Variants in FARP1 observed in about 807,000 individuals in gnomAD.
FARP1 encodes the protein FERM, ARH/RhoGEF and pleckstrin domain protein 1.
Under a neutral mutation model 128.8 loss-of-function variants are expected in FARP1, and 52 were observed. The observed-to-expected ratio is 0.40, with a 90% CI of 0.32 to 0.51. The LOEUF (loss-of-function observed/expected upper bound fraction) is 0.51, where lower values mean the gene tolerates loss of function less well. FARP1 is among the 20% of genes least tolerant of loss of function. The pLI is 0.45. For missense variants in FARP1, 1,333 were observed against 1,367.9 expected (o/e 0.97, Z 0.40); for synonymous variants, 580 against 551.8 (o/e 1.05, Z -0.72).
intron 16 of FARP1, among the ~76,000 whole-genome samples, chr13:98,423,871 G>T (rs566649629): frequency 1.3e-5 from 2 of 152,168 alleles, no homozygotes; most frequent in Non-Finnish European, 2.9e-5. Flanking sequence ...CCGTTGAAAG[G>T]TGTACGTGTA....
At chr13:98,368,968 C>T (rs1474737105) in intron 5 of FARP1, among the ~76,000 whole-genome samples, 1 of 151,540 alleles carries the variant, frequency 6.6e-6, no homozygotes, top group East Asian at 1.9e-4. Flanking sequence ...CTCTGTCGCC[C>T]AGGTTGGAGT....
At chr13:98,146,101 C>T (rs932476647) in intron 1 of FARP1, among the ~76,000 whole-genome samples, 6 of 151,980 alleles carry the variant, frequency 3.9e-5, no homozygotes, top group African/African-American at 7.3e-5. Flanking sequence ...TCATCCTGGA[C>T]GGGATTAGAG....
Position 98,390,069 on chromosome 13 carries a change from A to G in FARP1, c.968A>G (p.Lys323Arg). The G allele has an allele frequency of 6.2e-7, 1 of 1,614,158 alleles. No individual in the cohort carries two copies. Among genetic ancestry groups the G allele is most frequent in the Non-Finnish European group, 8.5e-7 (1 of 1,180,024 alleles). The change falls in exon 10 of 27, where the codon AAA becomes AGA. Residue 323 changes from lysine (K) to arginine (R), a missense_variant. Physicochemically the swap from Lys to Arg is conservative, Grantham distance 26. Transcript: ENST00000319562. ...HAFFRLFEEP[K>R]PKPKPVLFSR... Reference sequence around the variant, plus strand: ...TTCTTTAGACTTTTTGAAGAGCCCAAACCAAAGCCCAAGCCCGTCCTCTTT... The same window carrying G: ...TTCTTTAGACTTTTTGAAGAGCCCAGACCAAAGCCCAAGCCCGTCCTCTTT...
intron 2 of FARP1, among the ~76,000 whole-genome samples, chr13:98,236,071 G>T (rs9513377): frequency 0.027 from 4,075 of 152,152 alleles, 75 homozygotes; most frequent in Middle Eastern, 0.051. Flanking sequence ...TGATCTGCCC[G>T]CCTCGGCCTT....
At chr13:98,204,635 T>TAACA (rs1316219068) in intron 1 of FARP1, among the ~76,000 whole-genome samples, 1 of 152,214 alleles carries the variant, frequency 6.6e-6, no homozygotes, top group Non-Finnish European at 1.5e-5. Flanking sequence ...AGGGATTGGC[T>TAACA]AACATTCTTC....
At chr13:98,412,131 T>C (rs1891216407) in intron 16 of FARP1, 97 bp downstream of exon 16, 3 of 1,218,406 alleles carry the variant, frequency 2.5e-6, no homozygotes, top group Non-Finnish European at 2.3e-6. Context: ...GGAACAAAGA[T>C]GAAAGGCAGG....
rs564250815 is a variant in FARP1, at chr13:98,261,085, A to C, written c.171+47672A>C. 3.9e-5 allele frequency among the ~76,000 whole-genome samples: 6 copies of C among 152,348 alleles called. 1 individual carries two copies. Among genetic ancestry groups the C allele is most frequent in the East Asian group, 1.9e-4 (1 of 5,184 alleles). The stretch of plus-strand genomic sequence containing the variant: ...AGGAAGGGGAAACTCTGGTGTCCGC[A>C]TCCTATGGGAATGCACAGTGCATTG... On this transcript the variant is annotated intron_variant, in intron 2 of 26. Coordinates refer to ENST00000319562, the MANE Select transcript of FARP1 (RefSeq NM_005766.4).
intron 2 of FARP1, among the ~76,000 whole-genome samples, chr13:98,265,432 G>T (rs1044983152): frequency 2.8e-5 from 4 of 143,256 alleles, no homozygotes; most frequent in African/African-American, 1.0e-4. Context: ...CCATTCTCCT[G>T]CCTCAGCCTC....
Position 98,453,741 on chromosome 13 carries a change from C to A in FARP1, c.*5424C>A. 1 of 152,850 alleles carries A rather than the reference C, an allele frequency of 6.5e-6. No homozygotes were observed. Among genetic ancestry groups the A allele is most frequent in the Non-Finnish European group, 1.5e-5 (1 of 68,628 alleles). The allele number at this position is 152,850 out of a possible 1,614,324, so 9.5% of individuals were successfully genotyped here. Reference sequence around the variant, plus strand: ...CTAATTTGGAAACAACTCTGATGCCCAACAGTACAGAATCAGTTAAGTAAA... The same window carrying A: ...CTAATTTGGAAACAACTCTGATGCCAAACAGTACAGAATCAGTTAAGTAAA... On this transcript the variant is annotated 3_prime_UTR_variant, in exon 27 of 27. Coordinates refer to ENST00000319562, the MANE Select transcript of FARP1 (RefSeq NM_005766.4).
intron 2 of FARP1, among the ~76,000 whole-genome samples, chr13:98,238,360 A>G (rs1322140651): frequency 6.6e-6 from 1 of 152,230 alleles, no homozygotes; most frequent in Non-Finnish European, 1.5e-5. Context: ...GATTTTCTTA[A>G]TAACATTTTC....
intron 5 of FARP1, among the ~76,000 whole-genome samples, chr13:98,376,145 A>G (rs1369194532): frequency 1.3e-5 from 2 of 152,166 alleles, no homozygotes; most frequent in Admixed American, 6.5e-5. Context: ...AAACAATCCA[A>G]TTATACTCTT....
chr13:98,346,193 T>TTTTC, intron 3 of FARP1, among the ~76,000 whole-genome samples: 1 of 147,430 alleles, frequency 6.8e-6, no homozygotes, highest in African/African-American at 2.5e-5. Context: ...ATAATTTTTT[T>TTTTC]TTTTTTTTTT....
intron 13 of FARP1, chr13:98,401,138 G>A (rs545096442): frequency 3.3e-5 from 5 of 152,148 alleles, no homozygotes; most frequent in Non-Finnish European, 7.3e-5. Flanking sequence ...AGAGCATATG[G>A]AGAGAAAGGT....
chr13:98,308,121 G>T (rs1376148882), intron 2 of FARP1, among the ~76,000 whole-genome samples: 4 of 143,196 alleles, frequency 2.8e-5, no homozygotes, highest in African/African-American at 1.1e-4. Context: ...ATTTATCCTA[G>T]CCTTTTTTCC....
intron 16 of FARP1, among the ~76,000 whole-genome samples, chr13:98,413,651 C>A (rs114896092): frequency 6.6e-6 from 1 of 152,154 alleles, no homozygotes; most frequent in African/African-American, 2.4e-5. Flanking sequence ...CAGAACAAGA[C>A]CCTGTCTCCA....
chr13:98,350,126 C>T (rs1486686966), intron 3 of FARP1, among the ~76,000 whole-genome samples: 2 of 152,068 alleles, frequency 1.3e-5, no homozygotes, highest in Non-Finnish European at 2.9e-5. Flanking sequence ...GCTCGGTCAC[C>T]TCGCGGGGCA....
At chr13:98,201,633 G>A (rs1465582490) in intron 1 of FARP1, among the ~76,000 whole-genome samples, 2 of 152,152 alleles carry the variant, frequency 1.3e-5, no homozygotes, top group Non-Finnish European at 2.9e-5. Flanking sequence ...GAGTAGAAAA[G>A]GGATATGGGT....
intron 16 of FARP1, among the ~76,000 whole-genome samples, 194 bp downstream of exon 16, chr13:98,412,228 G>C (rs1241093780): frequency 6.6e-6 from 1 of 152,090 alleles, no homozygotes; most frequent in Admixed American, 6.5e-5. Context: ...TCTTTCCTCT[G>C]GTTTGCAGTT....
chr13:98,199,911 G>A (rs147055048), intron 1 of FARP1, among the ~76,000 whole-genome samples: 54 of 152,254 alleles, frequency 3.5e-4, no homozygotes, highest in African/African-American at 1.3e-3. Context: ...TCATTAGAAT[G>A]GGAATGATTG....
Sources: allele counts gnomAD v4.1 joint callset (sites outside exome capture counted in the v4.1 genomes callset), GRCh38; gene constraint gnomAD v4.1.1; transcripts MANE v1.5; gene names NCBI Gene and HGNC (gene_info 2026-07-23, HGNC 2026-07-21).